B4GALT1: variants seen among roughly 807,000 people sequenced by gnomAD.
B4GALT1 encodes the protein N-acetyllactosamine synthase.
B4GALT1 carries 16 observed loss-of-function variants against 34.9 expected under a neutral mutation model. The ratio of observed to expected loss-of-function variants is 0.46; its 90% CI spans 0.31 to 0.70. The LOEUF (loss-of-function observed/expected upper bound fraction) is 0.70. Among genes scored for constraint, B4GALT1 ranks in the 30% least tolerant of loss-of-function variants. B4GALT1 has a pLI of 0.05. For synonymous variants in B4GALT1, 221 were observed against 218.1 expected (o/e 1.01, Z -0.12); for missense variants, 445 against 530.5 (o/e 0.84, Z 1.58).
intron 2 of B4GALT1, among the ~76,000 whole-genome samples, chr9:33,124,835 G>A (rs1840068587): frequency 6.6e-6 from 1 of 152,206 alleles, no homozygotes; most frequent in South Asian, 2.1e-4. Context: ...AAACATTTAA[G>A]GCTCAAGGGA....
chr9:33,144,334 A>G (rs182113550), intron 1 of B4GALT1, among the ~76,000 whole-genome samples: 30 of 152,300 alleles, frequency 2.0e-4, no homozygotes, highest in Non-Finnish European at 4.0e-4. Context: ...CCCAGGTTTC[A>G]AGCGATTCTC....
chr9:33,138,135 C>T (rs191396311), intron 1 of B4GALT1, among the ~76,000 whole-genome samples: 38 of 152,334 alleles, frequency 2.5e-4, no homozygotes, highest in East Asian at 5.8e-4. Context: ...GGCTCGCTTC[C>T]GCGGGACAGA....
chr9:33,126,440 T>G lies in B4GALT1; in HGVS notation c.649-5834A>C, dbSNP rs190716669. 5.3e-5 allele frequency among the ~76,000 whole-genome samples: 8 copies of G among 152,268 alleles called. No individual in the cohort carries two copies. In the East Asian group the frequency reaches 7.7e-4, roughly 15 times the overall value. On this transcript the variant is annotated intron_variant, in intron 2 of 5. Coordinates refer to ENST00000379731, the MANE Select transcript of B4GALT1 (RefSeq NM_001497.4). The stretch of plus-strand genomic sequence containing the variant: ...AGCAGTTGGGCTCTAGTTTTGCTTT[T>G]GTTGTTGTTGTTTTTTTGCAGGGGA...
At chr9:33,164,118 T>A (rs3780478) in intron 1 of B4GALT1, among the ~76,000 whole-genome samples, 3,531 of 152,274 alleles carry the variant, frequency 0.023, 62 homozygotes, top group Middle Eastern at 0.061. Context: ...AACCCACACC[T>A]GTCAGCTGAG....
In B4GALT1 at chr9:33,113,378, C is replaced by T. The variant is rs1839891918; in HGVS notation, c.*76G>A. 6.2e-7 allele frequency: 1 copy of T among 1,605,442 alleles called. No homozygotes were observed. The highest frequency in any genetic ancestry group is 1.3e-5 in the African/African-American group (1 of 74,710). ...TCAGACTGGTAAAAATGAGAGGGAC[C>T]AGCCCAGCAGATTGGCAGAGACACA... On this transcript the variant is annotated 3_prime_UTR_variant, in exon 6 of 6. Coordinates refer to ENST00000379731, the MANE Select transcript of B4GALT1 (RefSeq NM_001497.4).
At chr9:33,121,840 T>C (rs1182850222) in intron 2 of B4GALT1, among the ~76,000 whole-genome samples, 1 of 152,122 alleles carries the variant, frequency 6.6e-6, no homozygotes, top group Non-Finnish European at 1.5e-5. Flanking sequence ...TGATCCCTTC[T>C]GGGAAGCTCG....
At chr9:33,161,824 GAACAA>G (rs1205667799) in intron 1 of B4GALT1, among the ~76,000 whole-genome samples, 1 of 152,202 alleles carries the variant, frequency 6.6e-6, no homozygotes, top group Admixed American at 6.5e-5. Flanking sequence ...TAAGAGCAGA[GAACAA>G]AGAGTAAGAA....
At chr9:33,169,435 T>C (rs1395303208), upstream of B4GALT1, among the ~76,000 whole-genome samples, 1 of 152,224 alleles carries the variant, frequency 6.6e-6, no homozygotes, top group Non-Finnish European at 1.5e-5. Flanking sequence ...TTCAGGTCTC[T>C]TAAATGTCAC....
chr9:33,162,954 T>G (rs1353873573), intron 1 of B4GALT1, among the ~76,000 whole-genome samples: 4 of 152,088 alleles, frequency 2.6e-5, no homozygotes, highest in African/African-American at 7.2e-5. Context: ...TGTGTATACG[T>G]CAATACATTA....
chr9:33,133,105 G>A (rs1840217939), intron 2 of B4GALT1, among the ~76,000 whole-genome samples: 1 of 152,180 alleles, frequency 6.6e-6, no homozygotes, highest in African/African-American at 2.4e-5. Context: ...GTTTCGCCAT[G>A]TTGGCCAGGC....
At chr9:33,174,980 AAAAAAAAAAAATATATATATATAT>A in the B4GALT1 span, among the ~76,000 whole-genome samples, 376 of 19,856 alleles carry the variant, frequency 0.019, 4 homozygotes, top group Non-Finnish European at 0.037. Flanking sequence ...AAAAAAAAAA[AAAAAAAAAAAATATATATATATAT>A]ATATATATAT....
chr9:33,158,563 G>A (rs541643578), intron 1 of B4GALT1, among the ~76,000 whole-genome samples: 3 of 152,282 alleles, frequency 2.0e-5, no homozygotes. Flanking sequence ...CCACATGACA[G>A]CAAGTAGAGG....
At chr9:33,162,690 A>C (rs1284640801) in intron 1 of B4GALT1, among the ~76,000 whole-genome samples, 2 of 152,226 alleles carry the variant, frequency 1.3e-5, no homozygotes, top group Non-Finnish European at 2.9e-5. Context: ...AAGAAGCTGC[A>C]GTTTAAGTCC....
At position 33,113,427 on chromosome 9, in the gene B4GALT1, C is replaced by T; in HGVS notation, c.*27G>A. Reference sequence around the variant, plus strand: ...CACAGCAGAGGTCCCTGGCTAATTTCAGGTCTCTTATCCGTGTACCAAAAC... The same window carrying T: ...CACAGCAGAGGTCCCTGGCTAATTTTAGGTCTCTTATCCGTGTACCAAAAC... On this transcript the variant is annotated 3_prime_UTR_variant, in exon 6 of 6. Coordinates refer to ENST00000379731, the MANE Select transcript of B4GALT1 (RefSeq NM_001497.4). 1 of 1,614,046 alleles carries T rather than the reference C, an allele frequency of 6.2e-7. No individual in the cohort carries two copies. The highest frequency in any genetic ancestry group is 8.5e-7 in the Non-Finnish European group (1 of 1,179,972).
chr9:33,166,635 C>G (rs1840758696), intron 1 of B4GALT1, 123 bp downstream of exon 1: 2 of 1,185,688 alleles, frequency 1.7e-6, no homozygotes, highest in Middle Eastern at 2.2e-4. Context: ...ATTTAAAACT[C>G]TGATCCAGAA....
upstream of B4GALT1, among the ~76,000 whole-genome samples, chr9:33,170,309 T>TA (rs1424183109): frequency 6.6e-6 from 1 of 152,172 alleles, no homozygotes; most frequent in East Asian, 1.9e-4. Context: ...GTGATCATCT[T>TA]AATGATGTGG....
intron 1 of B4GALT1, among the ~76,000 whole-genome samples, chr9:33,152,538 A>G (rs1159267089): frequency 6.6e-6 from 1 of 151,674 alleles, no homozygotes; most frequent in Non-Finnish European, 1.5e-5. Context: ...GGTAAAAAAA[A>G]ATGGGCCAAA....
intron 3 of B4GALT1, among the ~76,000 whole-genome samples, chr9:33,116,634 T>C (rs1839944182): frequency 6.6e-6 from 1 of 151,308 alleles, no homozygotes; most frequent in Non-Finnish European, 1.5e-5. Context: ...GTAATTCTCC[T>C]GTCTCAGCCT....
At chr9:33,184,206 G>T in the B4GALT1 span, among the ~76,000 whole-genome samples, 3 of 150,252 alleles carry the variant, frequency 2.0e-5, no homozygotes, top group East Asian at 1.9e-4. Flanking sequence ...AAAAAGAATT[G>T]TCATCAATCT....
Sources: allele counts gnomAD v4.1 joint callset (sites outside exome capture counted in the v4.1 genomes callset), GRCh38; gene constraint gnomAD v4.1.1; transcripts MANE v1.5; gene names NCBI Gene and HGNC (gene_info 2026-07-23, HGNC 2026-07-21).